Variants in UBXN2B observed in about 807,000 individuals in gnomAD.
UBXN2B encodes UBX domain-containing protein 2B.
Under a neutral mutation model 37.5 loss-of-function variants are expected in UBXN2B, and 19 were observed. The ratio of observed to expected loss-of-function variants is 0.51; its 90% CI spans 0.35 to 0.74. UBXN2B has a LOEUF of 0.74. UBXN2B is among the 30% of genes least tolerant of loss of function. The pLI is 0.01. For missense variants in UBXN2B, 370 were observed against 393.2 expected (o/e 0.94, Z 0.50); for synonymous variants, 145 against 143.8 (o/e 1.01, Z -0.06).
chr8:58,440,056 C>G (rs1585617144), intron 6 of UBXN2B, among the ~76,000 whole-genome samples: 1 of 152,280 alleles, frequency 6.6e-6, no homozygotes, highest in African/African-American at 2.4e-5. Flanking sequence ...TTTACAACAG[C>G]TCTTTGATGT....
chr8:58,439,800 T>C (rs1563466598), intron 6 of UBXN2B, 30 bp downstream of exon 6: 9 of 1,566,016 alleles, frequency 5.7e-6, no homozygotes, highest in Non-Finnish European at 6.9e-6. Flanking sequence ...AAAAATACCT[T>C]TGTTGAACAT....
chr8:58,434,365 A>ATTT lies in UBXN2B; in HGVS notation c.424-29_424-28insTTT. ...TATATGTGAATATATATATATATAT[A>ATTT]TATATTTTTTTTTTTTCTATACCCA... is the stretch of plus-strand genomic sequence containing the variant. On this transcript the variant is annotated intron_variant, in intron 4 of 7. Transcript: ENST00000399598. The ATTT allele has an allele frequency of 5.4e-6, 3 of 558,386 alleles. No individual in the cohort carries two copies. In the African/African-American group the frequency reaches 8.8e-5, roughly 16 times the overall value. The allele number at this position is 558,386 out of a possible 1,614,324, so 34.6% of individuals were successfully genotyped here.
chr8:58,426,281 A>G (rs1177146126), intron 2 of UBXN2B: 2 of 499,648 alleles, frequency 4.0e-6, no homozygotes, highest in African/African-American at 2.1e-5. Flanking sequence ...ATCTCGGCTC[A>G]CTGTAAGCTC....
chr8:58,443,857 G>T (rs575391317), intron 6 of UBXN2B, among the ~76,000 whole-genome samples: 67 of 152,174 alleles, frequency 4.4e-4, no homozygotes, highest in African/African-American at 1.5e-3. Context: ...TTTTAGGCTG[G>T]TTTTTTAATA....
At chr8:58,432,375 CTTTTTT>C (rs34018318) in intron 3 of UBXN2B, among the ~76,000 whole-genome samples, 2,341 of 81,470 alleles carry the variant, frequency 0.029, 32 homozygotes, top group East Asian at 0.16. Context: ...TTCTAAATTT[CTTTTTT>C]TTTTTTTTTT....
intron 3 of UBXN2B, among the ~76,000 whole-genome samples, chr8:58,431,118 C>T (rs145104346): frequency 3.0e-4 from 45 of 152,314 alleles, no homozygotes; most frequent in East Asian, 7.7e-4. Flanking sequence ...ACACCCACCC[C>T]GTCTCTCATG....
intron 5 of UBXN2B, among the ~76,000 whole-genome samples, chr8:58,438,394 C>T (rs1808467541): frequency 6.6e-6 from 1 of 152,208 alleles, no homozygotes; most frequent in Non-Finnish European, 1.5e-5. Flanking sequence ...AGCCACAGGT[C>T]CTCACCTCCA....
chr8:58,447,737 A>G lies in UBXN2B; in HGVS notation c.*186A>G, dbSNP rs145723266. Reference sequence around the variant, plus strand: ...TTGGATTAGGAATAGACCTTGAGATAAGTATGTTTGAGTTTTTAGTTGAAG... The same window carrying G: ...TTGGATTAGGAATAGACCTTGAGATGAGTATGTTTGAGTTTTTAGTTGAAG... On this transcript the variant is annotated 3_prime_UTR_variant, in exon 8 of 8. Transcript: ENST00000399598. The G allele has an allele frequency of 3.0e-4, 148 of 497,320 alleles. 2 individuals are homozygous for G. Among genetic ancestry groups the G allele is most frequent in the African/African-American group, 2.7e-3 (140 of 51,342 alleles). The allele number at this position is 497,320 out of a possible 1,614,324, so 30.8% of individuals were successfully genotyped here. A position where few individuals can be genotyped will look rare whatever the true frequency, so the allele number is the denominator to read the frequency against.
At chr8:58,416,772 G>C in intron 1 of UBXN2B, 78 bp from the exon 2 acceptor site, 1 of 1,242,530 alleles carries the variant, frequency 8.0e-7, no homozygotes, top group Non-Finnish European at 1.1e-6. Flanking sequence ...TTAAGTTAGT[G>C]TTCTATACAT....
At chr8:58,414,289 A>G (rs1055292159) in intron 1 of UBXN2B, among the ~76,000 whole-genome samples, 2 of 152,220 alleles carry the variant, frequency 1.3e-5, no homozygotes, top group Admixed American at 1.3e-4. Context: ...GTTCTAGAGT[A>G]GAGTTTAAGC....
At chr8:58,415,007 C>T (rs1253778476) in intron 1 of UBXN2B, among the ~76,000 whole-genome samples, 2 of 152,066 alleles carry the variant, frequency 1.3e-5, no homozygotes, top group African/African-American at 4.8e-5. Flanking sequence ...ATTTCTGATT[C>T]ATTTTCTATT....
intron 2 of UBXN2B, among the ~76,000 whole-genome samples, chr8:58,427,378 G>A (rs1348117931): frequency 1.3e-5 from 2 of 152,188 alleles, no homozygotes; most frequent in Non-Finnish European, 2.9e-5. Flanking sequence ...TGGCAGGATA[G>A]CTTGAGTCCA....
At chr8:58,428,594 C>T (rs1808166777) in intron 2 of UBXN2B, among the ~76,000 whole-genome samples, 1 of 152,180 alleles carries the variant, frequency 6.6e-6, no homozygotes, top group African/African-American at 2.4e-5. Context: ...AGTACTAATT[C>T]TGTACTACAG....
intron 7 of UBXN2B, 66 bp downstream of exon 7, chr8:58,446,134 A>G (rs1808661879): frequency 7.1e-7 from 1 of 1,415,494 alleles, no homozygotes; most frequent in African/African-American, 1.5e-5. Flanking sequence ...TCTAAGTAGA[A>G]CTGTATGTGA....
chr8:58,434,898 A>G (rs1220593847), intron 5 of UBXN2B: 3 of 1,535,666 alleles, frequency 2.0e-6, no homozygotes, highest in South Asian at 2.4e-5. Context: ...TCAGCAACTT[A>G]TGTTAGAAAT....
intron 5 of UBXN2B, among the ~76,000 whole-genome samples, chr8:58,435,802 G>C (rs1335923922): frequency 2.0e-5 from 3 of 152,138 alleles, no homozygotes; most frequent in Non-Finnish European, 4.4e-5. Context: ...TACAAATTAT[G>C]ATCAATAAGA....
At chr8:58,424,375 GA>G (rs1348805932) in intron 2 of UBXN2B, among the ~76,000 whole-genome samples, 1 of 152,096 alleles carries the variant, frequency 6.6e-6, no homozygotes, top group Non-Finnish European at 1.5e-5. Flanking sequence ...CTTATCTGAG[GA>G]AATGAGTAAT....
intron 2 of UBXN2B, 109 bp downstream of exon 2, chr8:58,417,062 TAAAA>T (rs1258778154): frequency 2.4e-6 from 2 of 833,224 alleles, no homozygotes; most frequent in Non-Finnish European, 1.7e-6. Flanking sequence ...CAATAATTTT[TAAAA>T]ATTATTATTC....
intron 2 of UBXN2B, among the ~76,000 whole-genome samples, chr8:58,421,401 A>G (rs1336628428): frequency 1.3e-5 from 2 of 152,084 alleles, no homozygotes; most frequent in Non-Finnish European, 2.9e-5. Flanking sequence ...AAAAAACCCA[A>G]TACCATGTGC....
Sources: gnomAD v4.1 joint callset for allele counts (sites outside exome capture counted in the v4.1 genomes callset) on GRCh38, gnomAD v4.1.1 for gene constraint, MANE v1.5 for transcripts, NCBI Gene and HGNC (gene_info 2026-07-23, HGNC 2026-07-21) for gene names.